The following RYR2 variants were observed in gnomAD, a reference collection of about 807,000 sequenced individuals.
RYR2 encodes the protein ryanodine receptor 2, also known as cardiac muscle ryanodine receptor-calcium release channel.
In RYR2, 227 loss-of-function variants were observed where a neutral mutation model predicts 601.1. That is an observed-to-expected ratio of 0.38 (90% CI 0.34 to 0.42). RYR2 has a LOEUF of 0.42. Ranked by LOEUF, RYR2 falls within the 10% of genes least tolerant of loss-of-function variation. The pLI, the probability that RYR2 is intolerant of heterozygous loss-of-function variation, is 1.00. For synonymous variants in RYR2, 2,223 were observed against 2,175.1 expected, an observed-to-expected ratio of 1.02 and a Z score of -0.61; for missense variants, 4,646 against 6,156.5, an observed-to-expected ratio of 0.75 and a Z score of 8.21.
At chr1:237,521,448 G>T (rs1162192756) in intron 24 of RYR2, among the ~76,000 whole-genome samples, 1 of 152,104 alleles carries the variant, frequency 6.6e-6, no homozygotes, top group Non-Finnish European at 1.5e-5. Context: ...GGTCACCTGA[G>T]GTCAGGTGAG....
In RYR2 at chr1:237,613,946, TCAAA is replaced by T; in HGVS notation, c.4911-92_4911-89del. On this transcript the variant is annotated intron_variant, in intron 36 of 104. Coordinates refer to ENST00000366574, the MANE Select transcript of RYR2 (RefSeq NM_001035.3). ...TGTCTATTCCCATAACTTTTTTCCT[TCAAA>T]TTTACAGTGCATACTGATTTCTCCT... The T allele has an allele frequency of 1.1e-5, 13 of 1,227,740 alleles. No individual in the cohort carries two copies. In the Admixed American group the frequency reaches 2.1e-4, roughly 20 times the overall value. 76.1% of individuals were successfully genotyped at this position (1,227,740 alleles called of 1,614,324 possible). A position where few individuals can be genotyped will look rare whatever the true frequency, so the allele number is the denominator to read the frequency against.
At chr1:237,108,399 G>A (rs778361547) in intron 1 of RYR2, among the ~76,000 whole-genome samples, 19 of 152,314 alleles carry the variant, frequency 1.2e-4, no homozygotes, top group Non-Finnish European at 1.6e-4. Context: ...AGGATGCTGC[G>A]TTAAGTCAGC....
chr1:237,803,949 A>T (rs2790349), intron 98 of RYR2, among the ~76,000 whole-genome samples: 1 of 151,904 alleles, frequency 6.6e-6, no homozygotes, highest in Non-Finnish European at 1.5e-5. Flanking sequence ...GCCACTTACA[A>T]TGATTTTAGA....
At chr1:237,606,533 A>G (rs1321774907) in intron 35 of RYR2, among the ~76,000 whole-genome samples, 3 of 152,248 alleles carry the variant, frequency 2.0e-5, no homozygotes, top group African/African-American at 4.8e-5. Context: ...CTAAAACACC[A>G]AAAGCAATGG....
intron 1 of RYR2, among the ~76,000 whole-genome samples, chr1:237,176,161 G>A (rs1678019289): frequency 6.6e-6 from 1 of 151,532 alleles, no homozygotes; most frequent in African/African-American, 2.4e-5. Context: ...CCAGGAGTTA[G>A]AGGCTACGGG....
intron 1 of RYR2, among the ~76,000 whole-genome samples, chr1:237,164,347 T>C (rs1265460169): frequency 1.3e-5 from 2 of 152,200 alleles, no homozygotes; most frequent in African/African-American, 4.8e-5. Flanking sequence ...TGTTAACTGA[T>C]GCTCAGAAAT....
At chr1:237,256,214 TTG>T (rs1687959266) in intron 1 of RYR2, among the ~76,000 whole-genome samples, 11 of 152,178 alleles carry the variant, frequency 7.2e-5, no homozygotes, top group Admixed American at 6.5e-4. Context: ...ACATTTTCTC[TTG>T]CCTGCCGCCG....
intron 44 of RYR2, among the ~76,000 whole-genome samples, chr1:237,636,952 A>G (rs1305644107): frequency 2.0e-5 from 3 of 152,212 alleles, no homozygotes; most frequent in African/African-American, 7.2e-5. Flanking sequence ...TATATGCTGC[A>G]TGGTTATGTG....
At chr1:237,360,165 T>C (rs1208776402) in intron 4 of RYR2, among the ~76,000 whole-genome samples, 2 of 152,254 alleles carry the variant, frequency 1.3e-5, no homozygotes, top group Non-Finnish European at 2.9e-5. Flanking sequence ...GGTTCATTCA[T>C]GTTTGAAATG....
At chr1:237,631,280 T>C (rs1010376318) in intron 41 of RYR2, 147 bp from the exon 42 acceptor site, 7 of 583,692 alleles carry the variant, frequency 1.2e-5, no homozygotes, top group Non-Finnish European at 2.1e-5. Flanking sequence ...AACAATTACA[T>C]TCATTAATTT....
At chr1:237,530,050 A>G (rs924676729) in intron 24 of RYR2, among the ~76,000 whole-genome samples, 4 of 152,084 alleles carry the variant, frequency 2.6e-5, no homozygotes, top group Admixed American at 1.3e-4. Context: ...GGTGGCTCAC[A>G]CCTGTAATCC....
intron 80 of RYR2, among the ~76,000 whole-genome samples, chr1:237,753,747 C>G (rs2819766): frequency 0.94 from 143,438 of 152,240 alleles, 67,932 homozygotes; most frequent in Non-Finnish European, 1. Context: ...GCAGAAGCTG[C>G]TGTGTCAGAG....
In RYR2 at chr1:237,066,145, C is replaced by A. The variant is rs192599729; in HGVS notation, c.48+23576C>A. On this transcript the variant is annotated intron_variant, in intron 1 of 104. Coordinates refer to ENST00000366574, the MANE Select transcript of RYR2 (RefSeq NM_001035.3). ...TTGGCATTTTTCATTCAGCGAAATG[C>A]TCTTTTCATGCTATGGACATACCAC... Among the ~76,000 whole-genome samples, 15 of 152,290 alleles carry A rather than the reference C, an allele frequency of 9.8e-5. No individual in the cohort carries two copies. The East Asian group carries it at 2.5e-3, about 25-fold the overall frequency.
intron 1 of RYR2, among the ~76,000 whole-genome samples, chr1:237,050,397 G>A (rs1041374003): frequency 3.3e-5 from 5 of 152,212 alleles, no homozygotes; most frequent in Admixed American, 1.3e-4. Context: ...CCTGGGACAC[G>A]TGGTTCTTAG....
chr1:237,725,097 CT>C (rs752383143), intron 74 of RYR2, among the ~76,000 whole-genome samples: 3 of 151,982 alleles, frequency 2.0e-5, no homozygotes, highest in Non-Finnish European at 4.4e-5. Flanking sequence ...TGATACGGAG[CT>C]GTTAGGATAT....
chr1:237,548,304 A>G, intron 25 of RYR2, 127 bp from the exon 26 acceptor site: 1 of 856,616 alleles, frequency 1.2e-6, no homozygotes, highest in East Asian at 2.7e-5. Flanking sequence ...GCTGTCTGGT[A>G]CTTCACCACT....
chr1:237,313,698 C>A (rs538161187), intron 2 of RYR2, among the ~76,000 whole-genome samples: 9 of 152,004 alleles, frequency 5.9e-5, no homozygotes, highest in Non-Finnish European at 1.2e-4. Context: ...CTTGTTACAG[C>A]AATGTTGGGA....
chr1:237,258,768 T>G (rs1449006428), intron 1 of RYR2, among the ~76,000 whole-genome samples: 1 of 152,122 alleles, frequency 6.6e-6, no homozygotes, highest in Non-Finnish European at 1.5e-5. Flanking sequence ...CAACAGACTG[T>G]GACAGAATGC....
Position 237,739,175 on chromosome 1 carries a change from G to T in RYR2, c.11092-3121G>T, listed in dbSNP as rs888610262. Reference sequence around the variant, plus strand: ...ATCTGCTCTAAATCATGTGCTTACTGCTCCTTGTTGACCATACTTTGGTGA... The same window carrying T: ...ATCTGCTCTAAATCATGTGCTTACTTCTCCTTGTTGACCATACTTTGGTGA... On this transcript the variant is annotated intron_variant, in intron 79 of 104. Transcript: ENST00000366574. 5.9e-5 allele frequency among the ~76,000 whole-genome samples: 9 copies of T among 152,258 alleles called. No homozygotes were observed. The East Asian group carries it at 1.7e-3, about 29-fold the overall frequency.
Sources: allele counts gnomAD v4.1 joint callset (sites outside exome capture counted in the v4.1 genomes callset), GRCh38; gene constraint gnomAD v4.1.1; transcripts MANE v1.5; gene names NCBI Gene and HGNC (gene_info 2026-07-23, HGNC 2026-07-21).